Variants in GDAP1 observed in about 807,000 individuals in gnomAD.
GDAP1 encodes ganglioside induced differentiation associated protein 1.
GDAP1 carries 34 observed loss-of-function variants against 40.1 expected under a neutral mutation model. The observed-to-expected ratio is 0.85, with a 90% CI of 0.64 to 1.13. The LOEUF is 1.13. Ranked by LOEUF, GDAP1 falls within the 50% of genes most tolerant of loss-of-function variation. GDAP1 has a pLI of 0.00. For missense variants in GDAP1, 374 were observed against 433.7 expected (o/e 0.86, Z 1.22); for synonymous variants, 170 against 157.4 (o/e 1.08, Z -0.60).
intron 3 of GDAP1, among the ~76,000 whole-genome samples, 199 bp from the exon 4 acceptor site, chr8:74,361,685 G>A (rs1261195864): frequency 1.3e-5 from 2 of 152,084 alleles, no homozygotes; most frequent in East Asian, 1.9e-4. Context: ...GTGAGCCACC[G>A]CGCCCAGCCG....
At chr8:74,480,233 C>T (rs771086397) in intron 2 of GDAP1, among the ~76,000 whole-genome samples, 42 of 152,022 alleles carry the variant, frequency 2.8e-4, no homozygotes, top group Non-Finnish European at 4.7e-4. Context: ...CAAGATCACC[C>T]GCCTCGGCCT....
At chr8:74,391,258 T>A (rs1308021138) in intron 2 of GDAP1, among the ~76,000 whole-genome samples, 1 of 152,012 alleles carries the variant, frequency 6.6e-6, no homozygotes, top group Non-Finnish European at 1.5e-5. Context: ...TAGCTTGGTG[T>A]CTGCCCAAAC....
At chr8:74,485,816 A>T (rs2128721974) in intron 2 of GDAP1, among the ~76,000 whole-genome samples, 1 of 152,050 alleles carries the variant, frequency 6.6e-6, no homozygotes, top group Non-Finnish European at 1.5e-5. Flanking sequence ...TGGCCATTTG[A>T]TGGGGGATTA....
intron 2 of GDAP1, among the ~76,000 whole-genome samples, chr8:74,394,492 G>A (rs1457433169): frequency 6.6e-6 from 1 of 152,138 alleles, no homozygotes; most frequent in Non-Finnish European, 1.5e-5. Context: ...CCCTGAAGGA[G>A]ACACATATTC....
intron 2 of GDAP1, among the ~76,000 whole-genome samples, chr8:74,420,553 TAAC>T (rs1279017192): frequency 6.6e-6 from 1 of 152,148 alleles, no homozygotes; most frequent in Non-Finnish European, 1.5e-5. Flanking sequence ...ACACAAACAG[TAAC>T]AACAGCAGCA....
chr8:74,463,858 T>C (rs1489641414), intron 2 of GDAP1, among the ~76,000 whole-genome samples: 9 of 152,138 alleles, frequency 5.9e-5, no homozygotes, highest in Admixed American at 5.9e-4. Context: ...TGGCTGTATA[T>C]AAGCACAAAT....
At chr8:74,457,228 C>T (rs1187355282) in intron 2 of GDAP1, among the ~76,000 whole-genome samples, 2 of 152,064 alleles carry the variant, frequency 1.3e-5, no homozygotes, top group African/African-American at 2.4e-5. Flanking sequence ...AAACTGTACC[C>T]TTTCCGCAGA....
chr8:74,431,610 T>C (rs1454643106), intron 2 of GDAP1, among the ~76,000 whole-genome samples: 1 of 151,938 alleles, frequency 6.6e-6, no homozygotes, highest in African/African-American at 2.4e-5. Context: ...GCCTCCCAAG[T>C]AGCTGGGACT....
chr8:74,444,623 T>C (rs1806206687), intron 2 of GDAP1, among the ~76,000 whole-genome samples: 1 of 152,178 alleles, frequency 6.6e-6, no homozygotes, highest in Admixed American at 6.5e-5. Flanking sequence ...CAGTTCTACA[T>C]AATGTGAGAA....
At chr8:74,399,040 G>T (rs1479488978) in intron 2 of GDAP1, among the ~76,000 whole-genome samples, 6 of 151,886 alleles carry the variant, frequency 4.0e-5, no homozygotes, top group Admixed American at 2.6e-4. Context: ...CCCGGCTTTG[G>T]TGTCAGGATG....
At chr8:74,442,321 A>G (rs1382744126) in intron 2 of GDAP1, among the ~76,000 whole-genome samples, 4 of 152,244 alleles carry the variant, frequency 2.6e-5, no homozygotes, top group Middle Eastern at 3.4e-3. Context: ...CTACTTCTAT[A>G]AGGACTCTCC....
At chr8:74,417,083 G>A (rs1193759154) in intron 2 of GDAP1, among the ~76,000 whole-genome samples, 1 of 149,156 alleles carries the variant, frequency 6.7e-6, no homozygotes, top group Admixed American at 6.6e-5. Context: ...GACACAGCTG[G>A]GGTTTCTCCC....
chr8:74,362,764 C>T (rs1809429606), intron 4 of GDAP1, among the ~76,000 whole-genome samples, 175 bp from the exon 5 acceptor site: 1 of 137,224 alleles, frequency 7.3e-6, no homozygotes. Flanking sequence ...TATTTCCCTT[C>T]AACTTAGCTC....
rs563964315 is a variant in GDAP1 at position 74,448,328 on chromosome 8, C to T, written c.166-40350C>T. On this transcript the variant is annotated intron_variant, in intron 2 of 2. Transcript: ENST00000523640. ...CATGTTGTTGTGTGTTTTAGTAGTT[C>T]ATTCCTTTTTATTGCTGAAGAGTTT... 2.6e-5 allele frequency among the ~76,000 whole-genome samples: 4 copies of T among 152,168 alleles called. No individual in the cohort carries two copies. In the East Asian group the frequency reaches 7.7e-4, roughly 29 times the overall value.
At chr8:74,352,060 G>A (rs946883581) in intron 2 of GDAP1, among the ~76,000 whole-genome samples, 10 of 152,200 alleles carry the variant, frequency 6.6e-5, no homozygotes, top group African/African-American at 1.4e-4. Context: ...AAAAGTATCT[G>A]TCTGAGACAG....
At chr8:74,372,575 A>G (rs1324569905) in intron 2 of GDAP1, among the ~76,000 whole-genome samples, 8 of 152,140 alleles carry the variant, frequency 5.3e-5, no homozygotes, top group Non-Finnish European at 1.2e-4. Context: ...TTCTTTTGAG[A>G]AGTGTCTGTT....
At chr8:74,412,219 G>T (rs1476456586) in intron 2 of GDAP1, among the ~76,000 whole-genome samples, 1 of 149,878 alleles carries the variant, frequency 6.7e-6, no homozygotes, top group African/African-American at 2.5e-5. Flanking sequence ...TAGACAAAGA[G>T]AAAATGATTA....
In GDAP1 at chr8:74,467,996, CCT is replaced by C. The variant is rs541146579; in HGVS notation, c.166-20681_166-20680del. ...CCTGATTTTTTTTTTCAGATGCATA[CCT>C]AGTTGTCTTAAAATCATCTGTTGAA... is the stretch of plus-strand genomic sequence containing the variant. On this transcript the variant is annotated intron_variant, in intron 2 of 2. Transcript: ENST00000523640. Among the ~76,000 whole-genome samples the C allele has an allele frequency of 1.3e-4, 19 of 151,590 alleles. 1 individual carries two copies. In the East Asian group the frequency reaches 3.5e-3, roughly 28 times the overall value.
chr8:74,442,869 G>A (rs974532224), intron 2 of GDAP1, among the ~76,000 whole-genome samples: 1 of 152,174 alleles, frequency 6.6e-6, no homozygotes, highest in Non-Finnish European at 1.5e-5. Context: ...GTGTTGTAGG[G>A]AGTTCCAAAT....
Sources: allele counts gnomAD v4.1 joint callset (sites outside exome capture counted in the v4.1 genomes callset), GRCh38; gene constraint gnomAD v4.1.1; transcripts MANE v1.5; gene names NCBI Gene and HGNC (gene_info 2026-07-23, HGNC 2026-07-21).